EYS: variants seen among roughly 807,000 people sequenced by gnomAD.
The protein encoded by EYS is protein eyes shut homolog.
Under a neutral mutation model 282.1 loss-of-function variants are expected in EYS, and 250 were observed. That is an observed-to-expected ratio of 0.89 (90% CI 0.80 to 0.98). The LOEUF (loss-of-function observed/expected upper bound fraction) is 0.98. Among genes scored for constraint, EYS ranks in the 50% least tolerant of loss-of-function variants. The pLI is 0.00. For missense variants in EYS, 4,016 were observed against 3,709.0 expected, an observed-to-expected ratio of 1.08 and a Z score of -2.15; for synonymous variants, 1,355 against 1,282.9, an observed-to-expected ratio of 1.06 and a Z score of -1.20.
intron 19 of EYS, among the ~76,000 whole-genome samples, chr6:64,823,511 G>C (rs532821845): frequency 1.8e-4 from 28 of 151,838 alleles, no homozygotes; most frequent in African/African-American, 6.5e-4. Flanking sequence ...TCTGGAAAGA[G>C]CACAGAACCA....
intron 31 of EYS, among the ~76,000 whole-genome samples, chr6:64,206,670 T>C (rs918268404): frequency 1.3e-5 from 2 of 152,170 alleles, no homozygotes; most frequent in Non-Finnish European, 2.9e-5. Flanking sequence ...GGCTGTTGTG[T>C]TACTGATGCA....
At chr6:64,384,509 C>A (rs1223650984) in intron 29 of EYS, among the ~76,000 whole-genome samples, 2 of 152,114 alleles carry the variant, frequency 1.3e-5, no homozygotes, top group Non-Finnish European at 1.5e-5. Context: ...AAAAACAAAT[C>A]TAATTGATTA....
chr6:65,109,974 G>A (rs906621352), intron 12 of EYS, among the ~76,000 whole-genome samples: 2 of 152,078 alleles, frequency 1.3e-5, no homozygotes, highest in Non-Finnish European at 2.9e-5. Flanking sequence ...GCCAAAATAA[G>A]ACTAGCCTTT....
intron 22 of EYS, among the ~76,000 whole-genome samples, chr6:64,660,627 C>A (rs532970771): frequency 2.6e-5 from 4 of 152,266 alleles, no homozygotes; most frequent in African/African-American, 9.6e-5. Flanking sequence ...TGAGTGAACT[C>A]CCATTCACAA....
intron 35 of EYS, among the ~76,000 whole-genome samples, chr6:63,898,798 G>A (rs201098822): frequency 3.6e-4 from 1 of 2,790 alleles, no homozygotes; most frequent in African/African-American, 4.3e-4. Flanking sequence ...TCAGAGAAAA[G>A]AATGTAAGAT....
chr6:64,287,325 T>TA (rs762840001), intron 30 of EYS, among the ~76,000 whole-genome samples: 2 of 152,156 alleles, frequency 1.3e-5, no homozygotes, highest in Non-Finnish European at 2.9e-5. Context: ...TTTTCACACA[T>TA]ATAAAGTTTT....
intron 26 of EYS, among the ~76,000 whole-genome samples, chr6:64,523,586 G>A (rs1777825128): frequency 6.6e-6 from 1 of 151,866 alleles, no homozygotes; most frequent in East Asian, 1.9e-4. Flanking sequence ...TGGTTCCAAG[G>A]TTTTAGCAAG....
rs376596345 is a variant in EYS at position 65,471,483 on chromosome 6, T to C, written c.862+19111A>G. ...TGAATTCTGGGATTGTTTTTTATAT[T>C]AGTACAAGAGAGTAAAACCAATGAT... On this transcript the variant is annotated intron_variant, in intron 5 of 42. Transcript: ENST00000503581. Among the ~76,000 whole-genome samples, 920 of 152,276 alleles carry C rather than the reference T, an allele frequency of 6.0e-3. 17 individuals carry two copies. The highest frequency in any genetic ancestry group is 0.039 in the South Asian group (186 of 4,826).
At chr6:64,699,368 T>C (rs921554257) in intron 22 of EYS, among the ~76,000 whole-genome samples, 1 of 152,056 alleles carries the variant, frequency 6.6e-6, no homozygotes. Context: ...AAGATAACTA[T>C]TGGGTACTGG....
intron 36 of EYS, among the ~76,000 whole-genome samples, chr6:63,834,279 C>G (rs866884896): frequency 6.6e-6 from 1 of 152,104 alleles, no homozygotes; most frequent in Non-Finnish European, 1.5e-5. Context: ...AGGCACCCTA[C>G]AGAATGGGAG....
chr6:64,787,215 A>G (rs1332983457), intron 22 of EYS, among the ~76,000 whole-genome samples: 3 of 152,148 alleles, frequency 2.0e-5, no homozygotes, highest in Non-Finnish European at 4.4e-5. Context: ...CAGCTAGGCA[A>G]TGAGAGGTCT....
rs192257418 is a variant in EYS at position 65,239,605 on chromosome 6, G to A, written c.2023+56258C>T. On this transcript the variant is annotated intron_variant, in intron 12 of 42. Coordinates refer to ENST00000503581, the MANE Select transcript of EYS (RefSeq NM_001142800.2). ...TAAACAAGCAGATATAAGCAGAAATGTAACAGAACCTCATTAAATGAACAA... is the reference window on the plus strand; with the variant it reads ...TAAACAAGCAGATATAAGCAGAAATATAACAGAACCTCATTAAATGAACAA... Among the ~76,000 whole-genome samples the A allele has an allele frequency of 5.9e-5, 9 of 152,090 alleles. No homozygotes were observed. In the East Asian group the frequency reaches 1.7e-3, roughly 29 times the overall value.
intron 12 of EYS, among the ~76,000 whole-genome samples, chr6:65,116,437 G>A (rs1775375974): frequency 6.6e-6 from 1 of 151,926 alleles, no homozygotes; most frequent in Non-Finnish European, 1.5e-5. Flanking sequence ...TGGAAAAAGG[G>A]GATACAAGTG....
intron 36 of EYS, among the ~76,000 whole-genome samples, chr6:63,844,343 T>A (rs989514411): frequency 1.3e-5 from 2 of 152,190 alleles, no homozygotes; most frequent in African/African-American, 4.8e-5. Flanking sequence ...TATAATAGAA[T>A]CATTTATTTT....
At chr6:65,472,366 G>A (rs1439512049) in intron 5 of EYS, among the ~76,000 whole-genome samples, 1 of 151,940 alleles carries the variant, frequency 6.6e-6, no homozygotes, top group Non-Finnish European at 1.5e-5. Flanking sequence ...AACAGGAGAT[G>A]TTTTATAATT....
At chr6:64,567,310 A>G (rs1284563276) in intron 26 of EYS, among the ~76,000 whole-genome samples, 1 of 152,206 alleles carries the variant, frequency 6.6e-6, no homozygotes, top group Non-Finnish European at 1.5e-5. Flanking sequence ...CTATCTGTTA[A>G]ACTGACACTC....
At chr6:64,623,778 C>A (rs1412118749) in intron 23 of EYS, among the ~76,000 whole-genome samples, 1 of 152,034 alleles carries the variant, frequency 6.6e-6, no homozygotes, top group Non-Finnish European at 1.5e-5. Context: ...GGTGGTTACA[C>A]AACTTTATGC....
chr6:65,586,044 C>G (rs994852551), intron 2 of EYS, among the ~76,000 whole-genome samples: 1 of 151,868 alleles, frequency 6.6e-6, no homozygotes, highest in East Asian at 1.9e-4. Context: ...TGTGGCCACT[C>G]ACTTATTTGG....
chr6:64,305,520 A>G (rs2150375125), intron 30 of EYS, among the ~76,000 whole-genome samples: 1 of 152,332 alleles, frequency 6.6e-6, no homozygotes, highest in South Asian at 2.1e-4. Flanking sequence ...ACCTTTTTGT[A>G]TTGGCATAAA....
Sources: allele counts gnomAD v4.1 joint callset (sites outside exome capture counted in the v4.1 genomes callset), GRCh38; gene constraint gnomAD v4.1.1; transcripts MANE v1.5; gene names NCBI Gene and HGNC (gene_info 2026-07-23, HGNC 2026-07-21).